DENND2C: variants seen among roughly 807,000 people sequenced by gnomAD.
The protein encoded by DENND2C is DENN domain containing 2C, also known as DENN domain-containing protein 2C.
In DENND2C, 72 loss-of-function variants were observed where a neutral mutation model predicts 112.4. The ratio of observed to expected loss-of-function variants is 0.64; its 90% CI spans 0.53 to 0.78. The LOEUF (loss-of-function observed/expected upper bound fraction) is 0.78, where lower values mean the gene tolerates loss of function less well. DENND2C is among the 30% of genes least tolerant of loss of function. DENND2C has a pLI of 0.00. For synonymous variants in DENND2C, 329 were observed against 381.6 expected, an observed-to-expected ratio of 0.86 and a Z score of 1.61; for missense variants, 992 against 1,113.8, an observed-to-expected ratio of 0.89 and a Z score of 1.56.
chr1:114,600,435 T>TTAC (rs1655469485), intron 14 of DENND2C, 83 bp from the exon 15 acceptor site: 16 of 1,547,424 alleles, frequency 1.0e-5, no homozygotes, highest in Non-Finnish European at 1.4e-5. Context: ...GTTATTCTTA[T>TTAC]ATAAGTTAAA....
At chr1:114,608,394 T>C (rs933163992) in intron 10 of DENND2C, among the ~76,000 whole-genome samples, 5 of 152,188 alleles carry the variant, frequency 3.3e-5, no homozygotes, top group African/African-American at 1.2e-4. Context: ...CATTTATTAT[T>C]CCCCTCCTTA....
chr1:114,652,607 A>C lies in DENND2C; in HGVS notation c.-317+1898T>G, dbSNP rs541714202. Among the ~76,000 whole-genome samples the C allele has an allele frequency of 1.4e-3, 220 of 151,938 alleles. 2 individuals carry two copies. The highest frequency in any genetic ancestry group is 5.0e-3 in the African/African-American group (206 of 41,380). On this transcript the variant is annotated intron_variant, in intron 2 of 20. Coordinates refer to ENST00000393274, the MANE Select transcript of DENND2C (RefSeq NM_001256404.2). ...TAAAGGCTGAAGTCTCTTATATAAAATGGTGTCGAATTTGCATCATAAAAC... is the reference window on the plus strand; with the variant it reads ...TAAAGGCTGAAGTCTCTTATATAAACTGGTGTCGAATTTGCATCATAAAAC...
At chr1:114,592,695 G>A (rs1655228010) in intron 18 of DENND2C, among the ~76,000 whole-genome samples, 1 of 152,030 alleles carries the variant, frequency 6.6e-6, no homozygotes, top group Non-Finnish European at 1.5e-5. Flanking sequence ...ACTCCAACCT[G>A]GGTGACAAAG....
intron 5 of DENND2C, 80 bp downstream of exon 5, chr1:114,623,427 G>A (rs1656241597): frequency 2.9e-6 from 4 of 1,398,402 alleles, no homozygotes; most frequent in East Asian, 2.4e-5. Flanking sequence ...CTTGATTATA[G>A]AAGAAAATAC....
At chr1:114,648,462 A>G (rs1369968712) in intron 2 of DENND2C, among the ~76,000 whole-genome samples, 1 of 152,212 alleles carries the variant, frequency 6.6e-6, no homozygotes, top group Non-Finnish European at 1.5e-5. Flanking sequence ...GTTGCCAAAA[A>G]TTGGCTCTGC....
intron 2 of DENND2C, among the ~76,000 whole-genome samples, chr1:114,648,595 C>T (rs74364978): frequency 0.068 from 10,280 of 152,222 alleles, 417 homozygotes; most frequent in Middle Eastern, 0.099. Context: ...GTTTCCCTGC[C>T]TCCTACAGGG....
chr1:114,622,641 G>A (rs2101664446), intron 6 of DENND2C, among the ~76,000 whole-genome samples: 1 of 152,138 alleles, frequency 6.6e-6, no homozygotes, highest in South Asian at 2.1e-4. Flanking sequence ...GGGAGCCTTT[G>A]CTTCTAGGCG....
At chr1:114,650,196 G>A (rs1006177912) in intron 2 of DENND2C, among the ~76,000 whole-genome samples, 9 of 151,944 alleles carry the variant, frequency 5.9e-5, no homozygotes, top group Admixed American at 2.6e-4. Flanking sequence ...GGTGTTGCAC[G>A]CCTGTAATCC....
At position 114,611,199 on chromosome 1, in the gene DENND2C, C is replaced by T. The variant is rs115373097; in HGVS notation, c.1325-82G>A. The T allele has an allele frequency of 2.6e-3, 3,922 of 1,505,354 alleles. 82 individuals are homozygous for T. The African/African-American group carries it at 0.042, about 16-fold the overall frequency. The allele number at this position is 1,505,354 out of a possible 1,614,324, so 93.2% of individuals were successfully genotyped here. ...GATGAGAACAATGTAAACCCACAAACCTGGGGACTTGGAGTAAGGAATAAT... is the reference window on the plus strand; with the variant it reads ...GATGAGAACAATGTAAACCCACAAATCTGGGGACTTGGAGTAAGGAATAAT... On this transcript the variant is annotated intron_variant, in intron 8 of 20. Transcript: ENST00000393274.
At chr1:114,614,837 C>A (rs1655919499) in intron 8 of DENND2C, among the ~76,000 whole-genome samples, 2 of 152,008 alleles carry the variant, frequency 1.3e-5, no homozygotes, top group Admixed American at 1.3e-4. Flanking sequence ...GTGGTGAAAC[C>A]TTGTCTCTTC....
chr1:114,601,874 G>C (rs548300403), intron 12 of DENND2C, among the ~76,000 whole-genome samples: 46 of 152,128 alleles, frequency 3.0e-4, no homozygotes, highest in Non-Finnish European at 5.7e-4. Context: ...TCCAGACTGA[G>C]ATTCAGCCAC....
rs759523112 is a variant in DENND2C at position 114,588,051 on chromosome 1, T to C, written c.2432-99A>G. The C allele has an allele frequency of 1.1e-5, 11 of 992,344 alleles. No homozygotes were observed. The East Asian group carries it at 1.5e-4, about 14-fold the overall frequency. 61.5% of individuals were successfully genotyped at this position (992,344 alleles called of 1,614,324 possible). ...TATGGAAGTCGTGCCTAAGAAGTTA[T>C]AGATTAAAGGACTGAGAATAAATCT... On this transcript the variant is annotated intron_variant, in intron 18 of 20. Transcript: ENST00000393274.
intron 16 of DENND2C, among the ~76,000 whole-genome samples, chr1:114,596,759 T>A (rs180687954): frequency 0.012 from 1,787 of 150,690 alleles, 6 homozygotes; most frequent in Non-Finnish European, 0.014. Context: ...AGTTTTTTTT[T>A]AAATTTTTTA....
chr1:114,589,845 A>G (rs185614135), intron 18 of DENND2C, among the ~76,000 whole-genome samples: 1 of 152,330 alleles, frequency 6.6e-6, no homozygotes, highest in Admixed American at 6.5e-5. Context: ...TACCACAAAC[A>G]AAGCTTAGAA....
At chr1:114,615,679 C>G (rs1655945196) in intron 8 of DENND2C, among the ~76,000 whole-genome samples, 1 of 152,214 alleles carries the variant, frequency 6.6e-6, no homozygotes, top group African/African-American at 2.4e-5. Context: ...TGATTTTAAT[C>G]AGTACATAGC....
intron 3 of DENND2C, among the ~76,000 whole-genome samples, chr1:114,643,747 A>C (rs1353766585): frequency 1.3e-5 from 2 of 152,234 alleles, no homozygotes; most frequent in African/African-American, 4.8e-5. Flanking sequence ...TCTTTAAAAA[A>C]TAAATTTAAT....
At chr1:114,657,889 G>T (rs1557961555) in intron 1 of DENND2C, among the ~76,000 whole-genome samples, 1 of 152,092 alleles carries the variant, frequency 6.6e-6, no homozygotes, top group Non-Finnish European at 1.5e-5. Flanking sequence ...AAGAAACAAG[G>T]GTATAAAGCA....
At chr1:114,652,520 A>G (rs1657195085) in intron 2 of DENND2C, among the ~76,000 whole-genome samples, 2 of 152,096 alleles carry the variant, frequency 1.3e-5, no homozygotes, top group African/African-American at 4.8e-5. Context: ...TCAATTCAGT[A>G]TAGTAATCCC....
rs33970610 is a variant in DENND2C, at chr1:114,590,778, CAA to C, written c.2432-2828_2432-2827del. 2.9e-3 allele frequency among the ~76,000 whole-genome samples: 328 copies of C among 112,992 alleles called. 2 individuals carry two copies. Among genetic ancestry groups the C allele is most frequent in the African/African-American group, 1.0e-2 (301 of 30,200 alleles). 74.1% of individuals were successfully genotyped at this position (112,992 alleles called of 152,430 possible). A position where few individuals can be genotyped will look rare whatever the true frequency, so the allele number is the denominator to read the frequency against. ...TGGGCGACAGAGCGAGACTCCGTCT[CAA>C]AAAAAAAAAAAAAAAAATTATTGAA... On this transcript the variant is annotated intron_variant, in intron 18 of 20. Transcript: ENST00000393274.
Sources: allele counts gnomAD v4.1 joint callset (sites outside exome capture counted in the v4.1 genomes callset), GRCh38; gene constraint gnomAD v4.1.1; transcripts MANE v1.5; gene names NCBI Gene and HGNC (gene_info 2026-07-23, HGNC 2026-07-21).